Variants in NPC1 observed in about 807,000 individuals in gnomAD.
NPC1 encodes the protein Niemann-Pick C1 protein.
In NPC1, 85 loss-of-function variants were observed where a neutral mutation model predicts 140.4. The observed-to-expected ratio is 0.61, with a 90% confidence interval of 0.51 to 0.72. The LOEUF is 0.72. Ranked by LOEUF, NPC1 falls within the 30% of genes least tolerant of loss-of-function variation. The pLI is 0.00. For synonymous variants in NPC1, 656 were observed against 624.8 expected (o/e 1.05, Z -0.74); for missense variants, 1,504 against 1,623.8 (o/e 0.93, Z 1.27).
intron 4 of NPC1, among the ~76,000 whole-genome samples, chr18:23,563,699 C>T (rs2059077495): frequency 1.3e-5 from 2 of 152,160 alleles, no homozygotes; most frequent in Non-Finnish European, 1.5e-5. Context: ...AGGCATGAGC[C>T]ACTGTGCCCA....
chr18:23,534,723 T>TA lies in NPC1; in HGVS notation c.3478-165dup, dbSNP rs560017503. ...GGCCTCCATCACACCAATCTTACTG[T>TA]ACCAGGAACTTTTTGGGGCCCTCTC... On this transcript the variant is annotated intron_variant, in intron 22 of 24. Coordinates refer to ENST00000269228, the MANE Select transcript of NPC1 (RefSeq NM_000271.5). Among the ~76,000 whole-genome samples, 12 of 152,326 alleles carry TA rather than the reference T, an allele frequency of 7.9e-5. No homozygotes were observed. In the East Asian group the frequency reaches 2.3e-3, roughly 29 times the overall value.
intron 5 of NPC1, 124 bp from the exon 6 acceptor site, chr18:23,560,604 G>A (rs1054551413): frequency 1.8e-5 from 19 of 1,048,492 alleles, no homozygotes; most frequent in Admixed American, 2.6e-5. Flanking sequence ...AAAAAGAATT[G>A]GAGGTTTTAG....
Position 23,538,676 on chromosome 18 carries a change from C to A in NPC1, c.2912-5G>T, listed in dbSNP as rs369985476. The A allele has an allele frequency of 3.1e-6, 5 of 1,613,716 alleles. No homozygotes were observed. Among genetic ancestry groups the A allele is most frequent in the Non-Finnish European group, 4.2e-6 (5 of 1,180,004 alleles). ...GAACGCAGGCAGGGTCAACCACTGG[C>A]GGAGACATGCAGGGAGGACTGTTAG... On this transcript the variant is annotated splice_region_variant and splice_polypyrimidine_tract_variant and intron_variant, in intron 19 of 24. Coordinates refer to ENST00000269228, the MANE Select transcript of NPC1 (RefSeq NM_000271.5).
downstream of NPC1, chr18:23,528,899 G>A (rs1490278792): frequency 7.1e-6 from 2 of 281,746 alleles, no homozygotes; most frequent in East Asian, 8.7e-5. Flanking sequence ...TTTTTTTTGA[G>A]ACGGAGTTTT....
rs1318513398 is a variant in NPC1 at position 23,586,352 on chromosome 18, C to G, written c.-9G>C. On this transcript the variant is annotated 5_prime_UTR_variant, in exon 1 of 25. Transcript: ENST00000269228. The stretch of plus-strand genomic sequence containing the variant: ...AGGCCGCGAGCGGTCATGCTGTGGC[C>G]GCGCAAGGCTGCTGACGCCGGCGGC... 1 of 1,532,470 alleles carries G rather than the reference C, an allele frequency of 6.5e-7. No homozygotes were observed. The highest frequency in any genetic ancestry group is 1.2e-5 in the South Asian group (1 of 83,722). 94.9% of individuals were successfully genotyped at this position (1,532,470 alleles called of 1,614,324 possible). A position where few individuals can be genotyped will look rare whatever the true frequency, so the allele number is the denominator to read the frequency against.
chr18:23,513,511 G>T (rs1220145712), intron 3 of NPC1, among the ~76,000 whole-genome samples: 1 of 152,236 alleles, frequency 6.6e-6, no homozygotes, highest in Non-Finnish European at 1.5e-5. Context: ...ATACAGGTAT[G>T]CAGATACCGC....
chr18:23,559,667 C>T (rs868230469), intron 6 of NPC1, among the ~76,000 whole-genome samples: 3 of 150,748 alleles, frequency 2.0e-5, no homozygotes, highest in Middle Eastern at 3.4e-3. Flanking sequence ...AATGAGTGGC[C>T]GGCTGGGCAC....
Position 23,538,552 on chromosome 18 carries a change from A to T in NPC1, c.3031T>A (p.Cys1011Ser), listed in dbSNP as rs770808201. ...GGCAGCAGCACTTACCCTTTGCCAC[A>T]CTTGGGGTTAGGGTTATCCGAAAGG... ...MFLSDNPNPK[C>S]GKGGHAAYSS... Residue 1011 changes from cysteine to serine, a missense_variant, in exon 20 of 25, where the codon TGT (cysteine) becomes AGT (serine). Transcript: ENST00000269228. The T allele has an allele frequency of 6.2e-7, 1 of 1,614,084 alleles. No homozygotes were observed. Among genetic ancestry groups the T allele is most frequent in the South Asian group, 1.1e-5 (1 of 91,068 alleles).
At chr18:23,551,851 G>C (rs962748872) in intron 9 of NPC1, 124 bp from the exon 10 acceptor site, 70 of 763,012 alleles carry the variant, frequency 9.2e-5, no homozygotes, top group Admixed American at 5.3e-4. Flanking sequence ...GGGCCCTGAG[G>C]TTTCTCAGTT....
chr18:23,521,776 T>C (rs184254726), downstream of NPC1, among the ~76,000 whole-genome samples: 4 of 152,274 alleles, frequency 2.6e-5, no homozygotes, highest in East Asian at 7.7e-4. Context: ...GTCTGCAGGT[T>C]TGCTTTCTTC....
chr18:23,518,716 C>G (rs1787130777), downstream of NPC1, among the ~76,000 whole-genome samples: 1 of 152,106 alleles, frequency 6.6e-6, no homozygotes, highest in South Asian at 2.1e-4. Flanking sequence ...GTTCTCTTTT[C>G]CACTTAACTT....
chr18:23,575,769 C>CAAAAAAAAAAAAAAAAAAAAAAAAAAAAA (rs35922440), intron 1 of NPC1, among the ~76,000 whole-genome samples: 2 of 35,106 alleles, frequency 5.7e-5, no homozygotes, highest in Non-Finnish European at 1.2e-4. Flanking sequence ...CAGAGAAGAC[C>CAAAAAAAAAAAAAAAAAAAAAAAAAAAAA]AAAAAAAAAA....
intron 1 of NPC1, among the ~76,000 whole-genome samples, chr18:23,574,632 T>TA (rs1445834659): frequency 6.6e-6 from 1 of 152,194 alleles, no homozygotes; most frequent in Non-Finnish European, 1.5e-5. Flanking sequence ...TTGGGATTTG[T>TA]ATGTGTGGGG....
downstream of NPC1, chr18:23,528,423 C>G (rs2058373088): frequency 6.5e-6 from 1 of 153,822 alleles, no homozygotes; most frequent in Admixed American, 6.4e-5. Flanking sequence ...ACTTGTACAT[C>G]ATATCTTCTG....
At chr18:23,574,782 GACA>G (rs2059251182) in intron 1 of NPC1, among the ~76,000 whole-genome samples, 1 of 152,126 alleles carries the variant, frequency 6.6e-6, no homozygotes, top group South Asian at 2.1e-4. Context: ...ATAAGGAAGT[GACA>G]ACAAGCCTTC....
At chr18:23,577,613 C>T (rs1269837352) in intron 1 of NPC1, among the ~76,000 whole-genome samples, 1 of 152,252 alleles carries the variant, frequency 6.6e-6, no homozygotes, top group Non-Finnish European at 1.5e-5. Flanking sequence ...GCCTGCCAGT[C>T]CTGCGCCGTG....
At chr18:23,514,575 G>T (rs1326857371) in intron 3 of NPC1, among the ~76,000 whole-genome samples, 1 of 151,284 alleles carries the variant, frequency 6.6e-6, no homozygotes, top group Non-Finnish European at 1.5e-5. Context: ...AAAAAAATTT[G>T]TAATGACCAA....
In NPC1 at chr18:23,579,845, G is replaced by A. The variant is rs139903829; in HGVS notation, c.58-6271C>T. Among the ~76,000 whole-genome samples, 17 of 150,510 alleles carry A rather than the reference G, an allele frequency of 1.1e-4. No individual in the cohort carries two copies. The East Asian group carries it at 1.8e-3, about 16-fold the overall frequency. ...GGTTGCAGTAAGCTGAGATCGCACC[G>A]CTGCACTCCAGCCTGGGTAACAGAG... On this transcript the variant is annotated intron_variant, in intron 1 of 24. Transcript: ENST00000269228.
At chr18:23,529,409 T>TTCAA, downstream of NPC1, 1 of 1,462,222 alleles carries the variant, frequency 6.8e-7, no homozygotes, top group Non-Finnish European at 9.0e-7. Context: ...TTAGAATCAC[T>TTCAA]GGAGTTTCCT....
Sources: gnomAD v4.1 joint callset for allele counts (sites outside exome capture counted in the v4.1 genomes callset) on GRCh38, gnomAD v4.1.1 for gene constraint, MANE v1.5 for transcripts, NCBI Gene and HGNC (gene_info 2026-07-23, HGNC 2026-07-21) for gene names.